The following CARMIL1 variants were observed in gnomAD, a reference collection of about 807,000 sequenced individuals.
CARMIL1 encodes F-actin-uncapping protein LRRC16A.
Under a neutral mutation model 177.1 loss-of-function variants are expected in CARMIL1, and 90 were observed. That is an observed-to-expected ratio of 0.51 (90% CI 0.43 to 0.61). The LOEUF is 0.61. CARMIL1 is among the 20% of genes least tolerant of loss of function. The pLI is 0.00. For synonymous variants in CARMIL1, 577 were observed against 606.2 expected (o/e 0.95, Z 0.71); for missense variants, 1,380 against 1,667.0 (o/e 0.83, Z 3.00).
At chr6:25,477,934 C>T (rs1279519777) in intron 11 of CARMIL1, among the ~76,000 whole-genome samples, 1 of 143,940 alleles carries the variant, frequency 6.9e-6, no homozygotes, top group Admixed American at 7.2e-5. Context: ...TGGCTCACTG[C>T]AACCTCCATT....
rs1554196458 is a variant in CARMIL1, at chr6:25,441,357, G to GTGTGTGTCTA, written c.371+5760_371+5761insCTATGTGTGT. Among the ~76,000 whole-genome samples the GTGTGTGTCTA allele has an allele frequency of 1.6e-3, 233 of 143,970 alleles. 1 individual carries two copies. The highest frequency in any genetic ancestry group is 2.3e-3 in the Non-Finnish European group (152 of 66,156). 94.4% of individuals were successfully genotyped at this position (143,970 alleles called of 152,430 possible). On this transcript the variant is annotated intron_variant, in intron 5 of 36. Coordinates refer to ENST00000329474, the MANE Select transcript of CARMIL1 (RefSeq NM_017640.6). ...TATATATGTGTGTGTGTGTGTGTGTGTGTGTGTGTGTGTGTCTATGTGTGT... is the reference window on the plus strand; with the variant it reads ...TATATATGTGTGTGTGTGTGTGTGTGTGTGTGTCTATGTGTGTGTGTGTGTCTATGTGTGT...
intron 2 of CARMIL1, among the ~76,000 whole-genome samples, chr6:25,396,317 A>G (rs971181267): frequency 1.3e-5 from 2 of 152,196 alleles, no homozygotes; most frequent in East Asian, 3.9e-4. Flanking sequence ...ACCAGAAGCA[A>G]AACCATCCTG....
intron 34 of CARMIL1, among the ~76,000 whole-genome samples, chr6:25,605,326 C>T (rs377605405): frequency 6.0e-4 from 91 of 152,048 alleles, no homozygotes; most frequent in African/African-American, 1.8e-3. Context: ...GCATGAAATC[C>T]AATATCCCTT....
At chr6:25,539,894 T>C in intron 25 of CARMIL1, 53 bp from the exon 26 acceptor site, 1 of 1,364,092 alleles carries the variant, frequency 7.3e-7, no homozygotes, top group Non-Finnish European at 9.8e-7. Context: ...GCAATGACTT[T>C]GATTGAAATA....
chr6:25,505,380 G>T (rs1405180215), intron 17 of CARMIL1, among the ~76,000 whole-genome samples: 1 of 152,186 alleles, frequency 6.6e-6, no homozygotes, highest in Non-Finnish European at 1.5e-5. Flanking sequence ...TTCTATGGCA[G>T]TAGTGATACT....
At chr6:25,422,449 G>T (rs1278511514) in intron 3 of CARMIL1, among the ~76,000 whole-genome samples, 2 of 152,068 alleles carry the variant, frequency 1.3e-5, no homozygotes, top group Non-Finnish European at 2.9e-5. Flanking sequence ...ATAGGCTTAG[G>T]ATATCTGTGG....
intron 11 of CARMIL1, among the ~76,000 whole-genome samples, chr6:25,473,549 G>A (rs1801262429): frequency 6.6e-6 from 1 of 152,100 alleles, no homozygotes; most frequent in Non-Finnish European, 1.5e-5. Context: ...TCATCATAAA[G>A]GTCTTTATCT....
At chr6:25,519,947 C>T (rs567019871) in intron 22 of CARMIL1, among the ~76,000 whole-genome samples, 12 of 152,164 alleles carry the variant, frequency 7.9e-5, no homozygotes, top group Admixed American at 3.3e-4. Context: ...TTTTCAATCC[C>T]AGTGTGAAAA....
At chr6:25,602,723 A>G (rs990503682) in intron 33 of CARMIL1, among the ~76,000 whole-genome samples, 1 of 152,236 alleles carries the variant, frequency 6.6e-6, no homozygotes, top group Non-Finnish European at 1.5e-5. Context: ...CCATGACTGT[A>G]TTCTTTCTAA....
At chr6:25,390,318 ATATTTT>A (rs1346809299) in intron 2 of CARMIL1, among the ~76,000 whole-genome samples, 18 of 43,684 alleles carry the variant, frequency 4.1e-4, no homozygotes, top group African/African-American at 1.8e-3. Flanking sequence ...ATATATATAT[ATATTTT>A]TTTTTTTTTT....
At chr6:25,322,436 T>C (rs1784761834) in intron 2 of CARMIL1, among the ~76,000 whole-genome samples, 1 of 152,234 alleles carries the variant, frequency 6.6e-6, no homozygotes, top group South Asian at 2.1e-4. Flanking sequence ...ACTGCTTTTA[T>C]GCAAAGGAAT....
rs145037934 is a variant in CARMIL1 at position 25,283,611 on chromosome 6, A to G, written c.41-1201A>G. Among the ~76,000 whole-genome samples, 182 of 152,170 alleles carry G rather than the reference A, an allele frequency of 1.2e-3. 1 individual carries two copies. Among genetic ancestry groups the G allele is most frequent in the Admixed American group, 4.6e-3 (71 of 15,286 alleles). Reference sequence around the variant, plus strand: ...GTGAAGTCTCCAGATTTCTCCTTCTATTGCCTTTGACCACTTCTTGGGGGT... The same window carrying G: ...GTGAAGTCTCCAGATTTCTCCTTCTGTTGCCTTTGACCACTTCTTGGGGGT... On this transcript the variant is annotated intron_variant, in intron 1 of 36. Coordinates refer to ENST00000329474, the MANE Select transcript of CARMIL1 (RefSeq NM_017640.6).
intron 8 of CARMIL1, chr6:25,451,996 C>CCCCA (rs1798991795): frequency 2.3e-5 from 1 of 42,886 alleles, no homozygotes; most frequent in Non-Finnish European, 4.6e-5. Context: ...GCCCCCCCCT[C>CCCCA]CCCCCCCCAG....
chr6:25,459,266 C>CTTTCTTTCTTTCTTTCTT lies in CARMIL1; in HGVS notation c.615-6604_615-6603insCTTTCTTTCTTTCTTTTT. ...TCTTTCTTTCTTTCTTTCTTTCTTT[C>CTTTCTTTCTTTCTTTCTT]TTTTTTTTTTTTTTAAGACAGGGTC... On this transcript the variant is annotated intron_variant, in intron 8 of 36. Coordinates refer to ENST00000329474, the MANE Select transcript of CARMIL1 (RefSeq NM_017640.6). Among the ~76,000 whole-genome samples, 184 of 73,678 alleles carry CTTTCTTTCTTTCTTTCTT rather than the reference C, an allele frequency of 2.5e-3. 2 individuals carry two copies. Among genetic ancestry groups the CTTTCTTTCTTTCTTTCTT allele is most frequent in the African/African-American group, 7.9e-3 (160 of 20,286 alleles). 48.3% of individuals were successfully genotyped at this position (73,678 alleles called of 152,430 possible).
chr6:25,321,298 C>G (rs1561981152), intron 2 of CARMIL1, among the ~76,000 whole-genome samples: 1 of 152,182 alleles, frequency 6.6e-6, no homozygotes, highest in Non-Finnish European at 1.5e-5. Context: ...AGAATAGAGT[C>G]TTTGCATTTG....
chr6:25,546,180 A>G (rs1809447160), intron 26 of CARMIL1, among the ~76,000 whole-genome samples: 2 of 152,116 alleles, frequency 1.3e-5, no homozygotes, highest in South Asian at 2.1e-4. Context: ...CTTTAAAGTC[A>G]GGAATAAGGC....
chr6:25,482,327 C>G lies in CARMIL1; in HGVS notation c.945C>G (p.Thr315=). 6.4e-7 allele frequency: 1 copy of G among 1,560,802 alleles called. No homozygotes were observed. The highest frequency in any genetic ancestry group is 8.8e-7 in the Non-Finnish European group (1 of 1,140,028). The part of the protein sequence containing the change: ...KGLKHLNLSK[T]SLSPKGVNSL... ...TAAAGCACTTAAATTTATCTAAAAC[C>G]TCATTATCACCTAAAGGTACAGTAT... is the stretch of plus-strand genomic sequence containing the variant. The change falls in exon 12 of 37, where the codon ACC becomes ACG. Residue 315 remains threonine, a synonymous_variant. Transcript: ENST00000329474.
chr6:25,401,530 CAAAG>C (rs1242407409), intron 2 of CARMIL1, among the ~76,000 whole-genome samples: 2 of 152,162 alleles, frequency 1.3e-5, no homozygotes, highest in Non-Finnish European at 2.9e-5. Context: ...TCCTCATTCT[CAAAG>C]AAGGAATTTA....
intron 9 of CARMIL1, 143 bp from the exon 10 acceptor site, chr6:25,471,026 T>C: frequency 2.0e-6 from 1 of 500,682 alleles, no homozygotes; most frequent in East Asian, 3.3e-5. Context: ...ATCACGATGG[T>C]GCGTAGTAGT....
Sources: gnomAD v4.1 joint callset for allele counts (sites outside exome capture counted in the v4.1 genomes callset) on GRCh38, gnomAD v4.1.1 for gene constraint, MANE v1.5 for transcripts, NCBI Gene and HGNC (gene_info 2026-07-23, HGNC 2026-07-21) for gene names.